PDE1C: variants seen among roughly 807,000 people sequenced by gnomAD.
The protein encoded by PDE1C is phosphodiesterase 1C, also known as dual specificity calcium/calmodulin-dependent 3',5'-cyclic nucleotide phosphodiesterase 1C.
Under a neutral mutation model 93.1 loss-of-function variants are expected in PDE1C, and 62 were observed. The ratio of observed to expected loss-of-function variants is 0.67; its 90% CI spans 0.54 to 0.82. The LOEUF (loss-of-function observed/expected upper bound fraction) is 0.82, where lower values mean the gene tolerates loss of function less well. Among genes scored for constraint, PDE1C ranks in the 40% least tolerant of loss-of-function variants. PDE1C has a pLI of 0.00. For missense variants in PDE1C, 742 were observed against 884.6 expected, an observed-to-expected ratio of 0.84 and a Z score of 2.04; for synonymous variants, 325 against 310.1, an observed-to-expected ratio of 1.05 and a Z score of -0.50.
chr7:32,411,097 T>C (rs1416269554), intron 1 of PDE1C, among the ~76,000 whole-genome samples: 3 of 152,064 alleles, frequency 2.0e-5, no homozygotes, highest in Non-Finnish European at 4.4e-5. Context: ...GGAGCAAAAA[T>C]AGACATTTTA....
chr7:32,138,372 C>T (rs536400658), intron 3 of PDE1C, among the ~76,000 whole-genome samples: 32 of 152,144 alleles, frequency 2.1e-4, no homozygotes, highest in African/African-American at 7.2e-4. Context: ...ATATGAGATC[C>T]TATTATTAAT....
the PDE1C span, chr7:31,695,387 G>A: frequency 7.7e-7 from 1 of 1,301,108 alleles, no homozygotes; most frequent in Non-Finnish European, 1.1e-6. Flanking sequence ...CTGTCATCAA[G>A]TGCAATTAGG....
At chr7:32,113,593 T>C (rs1798808482) in intron 3 of PDE1C, among the ~76,000 whole-genome samples, 1 of 151,956 alleles carries the variant, frequency 6.6e-6, no homozygotes, top group Non-Finnish European at 1.5e-5. Context: ...GAACCATCTT[T>C]GAATTTCTGG....
chr7:32,032,854 G>T (rs1790519995), intron 2 of PDE1C, among the ~76,000 whole-genome samples: 1 of 152,068 alleles, frequency 6.6e-6, no homozygotes, highest in Admixed American at 6.5e-5. Flanking sequence ...ATCCCCAGAT[G>T]ATCACATTAA....
intron 2 of PDE1C, among the ~76,000 whole-genome samples, chr7:32,042,215 G>A (rs1282956350): frequency 6.6e-6 from 1 of 152,156 alleles, no homozygotes; most frequent in Non-Finnish European, 1.5e-5. Flanking sequence ...CAGGAGAATC[G>A]CTTGAACTGG....
At chr7:32,228,165 A>G (rs1297695069) in intron 1 of PDE1C, among the ~76,000 whole-genome samples, 2 of 152,268 alleles carry the variant, frequency 1.3e-5, no homozygotes, top group African/African-American at 4.8e-5. Context: ...AACTAATACA[A>G]GAAGAGACTA....
At chr7:32,179,572 C>G (rs1476140557) in intron 2 of PDE1C, among the ~76,000 whole-genome samples, 3 of 152,146 alleles carry the variant, frequency 2.0e-5, no homozygotes, top group Non-Finnish European at 4.4e-5. Flanking sequence ...CAGTTTGCAG[C>G]TTCCTTTAAC....
At chr7:31,760,311 T>A (rs1030001445) in intron 17 of PDE1C, among the ~76,000 whole-genome samples, 4 of 152,222 alleles carry the variant, frequency 2.6e-5, no homozygotes, top group African/African-American at 9.7e-5. Context: ...GGAATTAATT[T>A]CTTATCATAT....
intron 2 of PDE1C, among the ~76,000 whole-genome samples, chr7:31,941,761 G>T (rs1309134666): frequency 2.0e-5 from 3 of 152,068 alleles, no homozygotes; most frequent in African/African-American, 7.2e-5. Flanking sequence ...TAATCCAGTG[G>T]CCTGGGCACA....
intron 1 of PDE1C, among the ~76,000 whole-genome samples, chr7:32,226,201 T>C (rs536707402): frequency 6.6e-6 from 1 of 152,350 alleles, no homozygotes; most frequent in South Asian, 2.1e-4. Flanking sequence ...GCCCCGTCTC[T>C]ATCTGTCTGG....
chr7:32,070,403 T>C lies in PDE1C; in HGVS notation c.-10A>G. 1 of 1,614,106 alleles carries C rather than the reference T, an allele frequency of 6.2e-7. No homozygotes were observed. The highest frequency in any genetic ancestry group is 8.5e-7 in the Non-Finnish European group (1 of 1,179,974). On this transcript the variant is annotated 5_prime_UTR_variant, in exon 1 of 18. Transcript: ENST00000396191. The stretch of plus-strand genomic sequence containing the variant: ...TGGTTGGCGACTCCATAGCTGCAGG[T>C]AGGTGACCACTGGCGGTGAAGCTGA...
At chr7:32,282,157 TAA>T (rs34769998) in intron 1 of PDE1C, among the ~76,000 whole-genome samples, 5 of 134,692 alleles carry the variant, frequency 3.7e-5, no homozygotes, top group African/African-American at 8.1e-5. Flanking sequence ...TAAAGTATAA[TAA>T]AAAAAAAAAA....
intron 5 of PDE1C, among the ~76,000 whole-genome samples, chr7:31,876,901 G>A (rs1222469329): frequency 6.6e-6 from 1 of 152,102 alleles, no homozygotes; most frequent in Non-Finnish European, 1.5e-5. Flanking sequence ...CTCAAATTCA[G>A]CTAGTAAATG....
At chr7:31,893,809 T>C (rs1798935314) in intron 2 of PDE1C, among the ~76,000 whole-genome samples, 1 of 152,232 alleles carries the variant, frequency 6.6e-6, no homozygotes, top group Admixed American at 6.5e-5. Context: ...CCCCTCATTG[T>C]TCACGGTGGT....
At chr7:32,043,090 G>A (rs879693169) in intron 2 of PDE1C, among the ~76,000 whole-genome samples, 2 of 152,162 alleles carry the variant, frequency 1.3e-5, no homozygotes, top group Non-Finnish European at 2.9e-5. Context: ...AGGGGAAGAT[G>A]AGATGTTACT....
chr7:31,936,425 A>T (rs1430775023), intron 2 of PDE1C, among the ~76,000 whole-genome samples: 1 of 147,016 alleles, frequency 6.8e-6, no homozygotes, highest in Non-Finnish European at 1.5e-5. Flanking sequence ...CATTCCTTCC[A>T]GGGAGAAGAA....
At chr7:31,655,921 T>C in the PDE1C span, 1 of 985,432 alleles carries the variant, frequency 1.0e-6, no homozygotes, top group African/African-American at 1.7e-5. Context: ...GCCATCTGCT[T>C]TACCAGTCTC....
chr7:32,342,947 G>A (rs143046833), intron 1 of PDE1C, among the ~76,000 whole-genome samples: 106 of 152,230 alleles, frequency 7.0e-4, no homozygotes, highest in African/African-American at 2.4e-3. Flanking sequence ...TTAAACTCTG[G>A]AATATGCATC....
intron 2 of PDE1C, among the ~76,000 whole-genome samples, chr7:31,974,416 T>C (rs1811368555): frequency 6.6e-6 from 1 of 152,210 alleles, no homozygotes; most frequent in African/African-American, 2.4e-5. Context: ...GTCAATATTA[T>C]CTTTTTGTTC....
Sources: allele counts gnomAD v4.1 joint callset (sites outside exome capture counted in the v4.1 genomes callset), GRCh38; gene constraint gnomAD v4.1.1; transcripts MANE v1.5; gene names NCBI Gene and HGNC (gene_info 2026-07-23, HGNC 2026-07-21).